TENM1: variants seen among roughly 807,000 people sequenced by gnomAD.
TENM1 encodes teneurin-1.
TENM1 carries 35 observed loss-of-function variants against 174.8 expected under a neutral mutation model. The observed-to-expected ratio is 0.20, with a 90% CI of 0.15 to 0.27. The LOEUF (loss-of-function observed/expected upper bound fraction) is 0.27, where lower values mean the gene tolerates loss of function less well. TENM1 is among the 10% of genes least tolerant of loss of function. TENM1 has a pLI of 1.00. For missense variants in TENM1, 1,633 were observed against 2,130.1 expected (o/e 0.77, Z 4.59); for synonymous variants, 781 against 798.7 (o/e 0.98, Z 0.37).
chrX:124,641,984 G>A, exon 11 of TENM1: 2 of 1,210,434 alleles, frequency 1.7e-6, no homozygotes, highest in South Asian at 1.8e-5. Flanking sequence ...TTGGGTCTAG[G>A]CAGTCCTCTG....
chrX:124,513,542 C>T (rs1184094609), intron 18 of TENM1, among the ~76,000 whole-genome samples: 5 of 111,790 alleles, frequency 4.5e-5, no homozygotes, highest in African/African-American at 1.6e-4. Context: ...TATTATTCTG[C>T]CTACCAAATA....
At chrX:124,655,250 G>C (rs922612545) in intron 6 of TENM1, among the ~76,000 whole-genome samples, 1 of 111,817 alleles carries the variant, frequency 8.9e-6, no homozygotes, top group Non-Finnish European at 1.9e-5. Flanking sequence ...GAGCTGGTCT[G>C]TGAGGGAGGA....
At chrX:124,603,338 C>T (rs2050074610) in intron 11 of TENM1, among the ~76,000 whole-genome samples, 1 of 111,828 alleles carries the variant, frequency 8.9e-6, no homozygotes, top group Admixed American at 9.5e-5. Context: ...AACATGCAGG[C>T]CTGTTGGCAT....
chrX:125,160,569 A>AC, the TENM1 span, among the ~76,000 whole-genome samples: 1 of 100,023 alleles, frequency 1.0e-5, no homozygotes, highest in African/African-American at 3.6e-5. Context: ...AAAAAAAAAA[A>AC]CAGAGAGAGA....
At chrX:124,649,018 AAG>A (rs1195001593) in intron 8 of TENM1, among the ~76,000 whole-genome samples, 1 of 111,932 alleles carries the variant, frequency 8.9e-6, no homozygotes, top group African/African-American at 3.3e-5. Context: ...CTGGGTATCA[AAG>A]AGACATTGGA....
the TENM1 span, among the ~76,000 whole-genome samples, chrX:125,119,253 AC>A: frequency 1.8e-5 from 2 of 111,940 alleles, no homozygotes; most frequent in South Asian, 7.4e-4. Context: ...TTTATGGGGT[AC>A]AATGTGATGT....
intron 1 of TENM1, among the ~76,000 whole-genome samples, chrX:124,913,232 C>T (rs775738782): frequency 3.6e-5 from 4 of 110,765 alleles, no homozygotes; most frequent in Non-Finnish European, 7.6e-5. Flanking sequence ...AAGAAAAAAA[C>T]GAACTTCCAC....
intron 18 of TENM1, among the ~76,000 whole-genome samples, chrX:124,519,395 G>GTC (rs764225363): frequency 2.1e-3 from 232 of 108,526 alleles, no homozygotes; most frequent in Middle Eastern, 4.8e-3. Flanking sequence ...AGAGTCATTA[G>GTC]TCTCTCTCTC....
At chrX:125,042,079 G>A in the TENM1 span, among the ~76,000 whole-genome samples, 13 of 111,509 alleles carry the variant, frequency 1.2e-4, no homozygotes, top group Admixed American at 3.8e-4. Context: ...TGAATATATC[G>A]TATACTTCAA....
rs144251847 is a variant in TENM1 at position 124,598,415 on chromosome X, T to C, written c.2078-32855A>G. Among the ~76,000 whole-genome samples, 102 of 111,684 alleles carry C rather than the reference T, an allele frequency of 9.1e-4. 1 individual carries two copies. The highest frequency in any genetic ancestry group is 3.1e-3 in the African/African-American group (96 of 30,756). ...ATATCCCAAAGAAAGGAAATGAGTA[T>C]ATCAAAGAGAAATCTGCACCCCTAT... On this transcript the variant is annotated intron_variant, in intron 11 of 31. Coordinates refer to ENST00000422452, the Ensembl canonical transcript of TENM1.
At chrX:124,455,223 C>T (rs1210481066) in intron 22 of TENM1, among the ~76,000 whole-genome samples, 1 of 111,777 alleles carries the variant, frequency 8.9e-6, no homozygotes, top group Admixed American at 9.5e-5. Flanking sequence ...ACCAGCATGT[C>T]CAAACAAGGG....
chrX:124,385,555 G>A, intron 29 of TENM1, 122 bp downstream of exon 32: 1 of 650,706 alleles, frequency 1.5e-6, no homozygotes, highest in Admixed American at 3.2e-5. Context: ...AATTTGATAA[G>A]TAAAGTGAAA....
chrX:124,995,224 C>T, the TENM1 span, among the ~76,000 whole-genome samples: 16 of 110,627 alleles, frequency 1.4e-4, no homozygotes, highest in East Asian at 5.7e-4. Context: ...TTTTATATAG[C>T]GCTGTATCTT....
chrX:124,964,007 A>G (rs2058693917), upstream of TENM1, among the ~76,000 whole-genome samples: 1 of 112,222 alleles, frequency 8.9e-6, no homozygotes, highest in Admixed American at 9.5e-5. Flanking sequence ...TCAAGCATTA[A>G]GGATTAAGCT....
chrX:124,979,509 TATA>T, the TENM1 span, among the ~76,000 whole-genome samples: 1 of 111,991 alleles, frequency 8.9e-6, no homozygotes, highest in African/African-American at 3.2e-5. Context: ...TATATATTGT[TATA>T]ATATTTTGAA....
At chrX:124,887,681 C>A (rs1450596787) in intron 3 of TENM1, among the ~76,000 whole-genome samples, 1 of 111,133 alleles carries the variant, frequency 9.0e-6, no homozygotes, top group Non-Finnish European at 1.9e-5. Context: ...AAGTGTCTCA[C>A]CCACACATAA....
chrX:125,024,205 C>T, the TENM1 span, among the ~76,000 whole-genome samples: 7 of 110,884 alleles, frequency 6.3e-5, no homozygotes, highest in African/African-American at 2.0e-4. Context: ...ATCAAGCAAC[C>T]CACCACTGCA....
At chrX:125,172,372 TTGCC>T in the TENM1 span, among the ~76,000 whole-genome samples, 4 of 110,373 alleles carry the variant, frequency 3.6e-5, no homozygotes, top group African/African-American at 1.3e-4. Flanking sequence ...AGCAATTGAC[TTGCC>T]CAAGGTCCCA....
At chrX:124,846,698 AT>A (rs775704687) in intron 3 of TENM1, among the ~76,000 whole-genome samples, 2 of 110,841 alleles carry the variant, frequency 1.8e-5, no homozygotes, top group African/African-American at 3.3e-5. Context: ...TGAGGGCTGC[AT>A]TTTTTTTCAT....
Sources: gnomAD v4.1 joint callset for allele counts (sites outside exome capture counted in the v4.1 genomes callset) on GRCh38, gnomAD v4.1.1 for gene constraint, MANE v1.5 for transcripts, NCBI Gene and HGNC (gene_info 2026-07-23, HGNC 2026-07-21) for gene names.